Variants in PDE11A observed in about 807,000 individuals in gnomAD.
PDE11A encodes phosphodiesterase 11A.
In PDE11A, 100 loss-of-function variants were observed where a neutral mutation model predicts 100.5. The observed-to-expected ratio is 1.00, with a 90% confidence interval of 0.85 to 1.18. PDE11A has a LOEUF of 1.18. Among genes scored for constraint, PDE11A ranks in the 50% most tolerant of loss-of-function variants. PDE11A has a pLI of 0.00. For synonymous variants in PDE11A, 381 were observed against 420.8 expected (o/e 0.91, Z 1.16); for missense variants, 1,141 against 1,152.6 (o/e 0.99, Z 0.15).
intron 2 of PDE11A, among the ~76,000 whole-genome samples, chr2:177,957,274 AAAG>A (rs1484300429): frequency 6.6e-6 from 1 of 152,202 alleles, no homozygotes; most frequent in Non-Finnish European, 1.5e-5. Flanking sequence ...AAAAAAGGAT[AAAG>A]AAGATGGCAA....
intron 19 of PDE11A, among the ~76,000 whole-genome samples, chr2:177,651,668 C>T (rs1235200353): frequency 6.6e-6 from 1 of 152,184 alleles, no homozygotes; most frequent in Admixed American, 6.5e-5. Context: ...CTGTATGTCT[C>T]TGTTTCTCTA....
intron 7 of PDE11A, 48 bp from the exon 8 acceptor site, chr2:177,817,973 G>A: frequency 1.1e-6 from 1 of 879,176 alleles, no homozygotes; most frequent in Non-Finnish European, 2.0e-6. Context: ...ACTGGACATT[G>A]TGTTTCTCTA....
chr2:177,886,068 T>C (rs2084425107), intron 4 of PDE11A, among the ~76,000 whole-genome samples: 1 of 152,180 alleles, frequency 6.6e-6, no homozygotes, highest in Admixed American at 6.5e-5. Context: ...TTCACTTTCC[T>C]TGACTACACA....
intron 9 of PDE11A, among the ~76,000 whole-genome samples, chr2:177,811,102 C>G (rs1346020587): frequency 6.6e-6 from 1 of 152,136 alleles, no homozygotes; most frequent in Non-Finnish European, 1.5e-5. Context: ...CCCCAAAGGA[C>G]AGTTCCTGAT....
intron 10 of PDE11A, among the ~76,000 whole-genome samples, chr2:177,764,533 T>C (rs973439013): frequency 3.9e-5 from 6 of 152,250 alleles, no homozygotes; most frequent in African/African-American, 1.4e-4. Flanking sequence ...TACAGGAGCA[T>C]ATAATTGGGG....
intron 6 of PDE11A, among the ~76,000 whole-genome samples, chr2:177,835,148 T>C (rs1224222042): frequency 1.3e-5 from 2 of 152,136 alleles, no homozygotes; most frequent in East Asian, 3.9e-4. Flanking sequence ...CCTGTCAAGG[T>C]TGCCAGGACT....
chr2:177,990,737 CAAA>C (rs71010847), intron 2 of PDE11A, among the ~76,000 whole-genome samples: 5 of 74,532 alleles, frequency 6.7e-5, no homozygotes, highest in Admixed American at 1.6e-4. Context: ...GACTCTGTCT[CAAA>C]AAAAAAAAAA....
chr2:177,855,294 G>T (rs2083812513), intron 5 of PDE11A, among the ~76,000 whole-genome samples: 1 of 152,024 alleles, frequency 6.6e-6, no homozygotes, highest in Non-Finnish European at 1.5e-5. Context: ...AAAGAGAAGA[G>T]GAAAGAAGTT....
intron 1 of PDE11A, among the ~76,000 whole-genome samples, chr2:178,041,642 G>GT (rs935360134): frequency 2.0e-5 from 3 of 151,788 alleles, no homozygotes; most frequent in Non-Finnish European, 4.4e-5. Context: ...ACACACATAT[G>GT]TTTTTTTTCC....
chr2:177,820,494 AG>A (rs1212208683), intron 6 of PDE11A, among the ~76,000 whole-genome samples, 199 bp from the exon 7 acceptor site: 1 of 151,976 alleles, frequency 6.6e-6, no homozygotes, highest in Non-Finnish European at 1.5e-5. Context: ...ATCAAACCCA[AG>A]CCAAATATGA....
intron 5 of PDE11A, among the ~76,000 whole-genome samples, chr2:177,870,381 T>A (rs1014372492): frequency 6.6e-6 from 1 of 152,222 alleles, no homozygotes; most frequent in African/African-American, 2.4e-5. Flanking sequence ...TTAAGTCCAA[T>A]CTATGTAGTA....
upstream of PDE11A, among the ~76,000 whole-genome samples, chr2:178,076,857 G>C (rs1458588558): frequency 6.6e-6 from 1 of 152,184 alleles, no homozygotes; most frequent in Non-Finnish European, 1.5e-5. Context: ...GGTCCAGTAA[G>C]GCCTCTCATA....
chr2:177,945,839 C>G (rs1288526381), intron 2 of PDE11A, among the ~76,000 whole-genome samples: 1 of 110,498 alleles, frequency 9.0e-6, no homozygotes, highest in South Asian at 2.8e-4. Flanking sequence ...GGGGGTCAGC[C>G]CCCCGCCTGG....
chr2:177,906,723 T>C (rs2084795273), intron 2 of PDE11A, among the ~76,000 whole-genome samples: 1 of 152,154 alleles, frequency 6.6e-6, no homozygotes, highest in South Asian at 2.1e-4. Flanking sequence ...CTACTCCCCC[T>C]CATACCTTAG....
intron 2 of PDE11A, among the ~76,000 whole-genome samples, chr2:178,099,159 C>T (rs1352567332): frequency 3.9e-5 from 6 of 152,170 alleles, no homozygotes; most frequent in Admixed American, 6.5e-5. Context: ...GGAACAGTGG[C>T]CCACGCCTGT....
At chr2:177,793,054 T>C (rs933284501) in intron 9 of PDE11A, among the ~76,000 whole-genome samples, 1 of 151,930 alleles carries the variant, frequency 6.6e-6, no homozygotes, top group Admixed American at 6.6e-5. Flanking sequence ...AGCCAACGGG[T>C]AGGGGAAGAG....
At chr2:177,734,909 G>A (rs541036576) in intron 10 of PDE11A, among the ~76,000 whole-genome samples, 1 of 152,314 alleles carries the variant, frequency 6.6e-6, no homozygotes. Flanking sequence ...GAAGATTTTG[G>A]TAACTAGACT....
At chr2:177,700,561 T>C (rs1261269725) in intron 14 of PDE11A, among the ~76,000 whole-genome samples, 1 of 152,196 alleles carries the variant, frequency 6.6e-6, no homozygotes, top group African/African-American at 2.4e-5. Context: ...AACTCCTGCA[T>C]TGCCACATGA....
chr2:177,702,076 G>T (rs1475569167), intron 13 of PDE11A, among the ~76,000 whole-genome samples: 1 of 152,124 alleles, frequency 6.6e-6, no homozygotes, highest in Non-Finnish European at 1.5e-5. Flanking sequence ...AAACACATAT[G>T]ACTATTTCCA....
Sources: gnomAD v4.1 joint callset for allele counts (sites outside exome capture counted in the v4.1 genomes callset) on GRCh38, gnomAD v4.1.1 for gene constraint, MANE v1.5 for transcripts, NCBI Gene and HGNC (gene_info 2026-07-23, HGNC 2026-07-21) for gene names.